The following ZNRF3 variants were observed in gnomAD, a reference collection of about 807,000 sequenced individuals.
ZNRF3 encodes E3 ubiquitin-protein ligase ZNRF3.
Under a neutral mutation model 72.5 loss-of-function variants are expected in ZNRF3, and 23 were observed. That is an observed-to-expected ratio of 0.32 (90% CI 0.23 to 0.45). The LOEUF is 0.45. ZNRF3 is among the 20% of genes least tolerant of loss of function. ZNRF3 has a pLI of 1.00. For synonymous variants in ZNRF3, 610 were observed against 545.3 expected, an observed-to-expected ratio of 1.12 and a Z score of -1.65; for missense variants, 1,169 against 1,272.1, an observed-to-expected ratio of 0.92 and a Z score of 1.23.
intron 2 of ZNRF3, chr22:29,026,763 G>A (rs1347043514): frequency 6.6e-6 from 1 of 152,254 alleles, no homozygotes; most frequent in Non-Finnish European, 1.5e-5. Context: ...TGGGTTCCAG[G>A]TGCCATGCCA....
chr22:29,050,862 C>T lies in ZNRF3; in HGVS notation c.2681C>T (p.Pro894Leu), dbSNP rs533046492. 4.7e-5 allele frequency: 75 copies of T among 1,599,362 alleles called. No individual in the cohort carries two copies. In the East Asian group the frequency reaches 1.2e-3, roughly 25 times the overall value. Residue 894 changes from proline to leucine, a missense_variant, in exon 8 of 9, where the codon CCG (proline) becomes CTG (leucine). Pro to Leu is a moderately conservative substitution (Grantham distance 98). Transcript: ENST00000544604. ...ARALLRPGCP[P>L]EEAGAVRANF... ...GCCCTACTGCGGCCTGGCTGCCCTCCGGAGGAGGCGGGTGCTGTCAGGGCC... is the reference window on the plus strand; with the variant it reads ...GCCCTACTGCGGCCTGGCTGCCCTCTGGAGGAGGCGGGTGCTGTCAGGGCC...
chr22:29,032,224 T>C (rs1287243989), intron 2 of ZNRF3, among the ~76,000 whole-genome samples: 1 of 152,218 alleles, frequency 6.6e-6, no homozygotes, highest in Non-Finnish European at 1.5e-5. Context: ...CAGCCTGTTC[T>C]TGTGGACATG....
rs1601537531 is a variant in ZNRF3 at position 28,900,886 on chromosome 22, G to A, written c.300+16820G>A. On this transcript the variant is annotated intron_variant, in intron 1 of 8. Transcript: ENST00000544604. ...TTTAGGAGGCTGAGGTGGGATGATC[G>A]CTTGAGGCCAGGAGTTTAAGACCAG... Among the ~76,000 whole-genome samples the A allele has an allele frequency of 3.9e-5, 6 of 152,154 alleles. No individual in the cohort carries two copies. In the Middle Eastern group the frequency reaches 0.017, roughly 431 times the overall value.
intron 1 of ZNRF3, among the ~76,000 whole-genome samples, chr22:28,889,172 A>T (rs548871054): frequency 6.6e-6 from 1 of 152,244 alleles, no homozygotes; most frequent in East Asian, 1.9e-4. Context: ...TGCCAAGTGA[A>T]CAGAACTTGG....
intron 1 of ZNRF3, among the ~76,000 whole-genome samples, chr22:28,961,422 T>A (rs556365386): frequency 1.3e-5 from 2 of 152,290 alleles, no homozygotes; most frequent in East Asian, 3.9e-4. Flanking sequence ...TGTCAAAATA[T>A]GGACAGTATT....
At chr22:29,003,912 A>C (rs74631105) in intron 2 of ZNRF3, among the ~76,000 whole-genome samples, 209 of 152,358 alleles carry the variant, frequency 1.4e-3, no homozygotes, top group Non-Finnish European at 2.6e-3. Flanking sequence ...GTCTTTGCTT[A>C]GGTTGGGCTT....
At chr22:29,003,822 C>A (rs2036195405) in intron 2 of ZNRF3, among the ~76,000 whole-genome samples, 1 of 151,864 alleles carries the variant, frequency 6.6e-6, no homozygotes, top group African/African-American at 2.4e-5. Context: ...CAGAGCAAGA[C>A]CCTGTCTCAA....
chr22:28,901,009 G>A (rs965701139), intron 1 of ZNRF3, among the ~76,000 whole-genome samples: 1 of 152,074 alleles, frequency 6.6e-6, no homozygotes, highest in Non-Finnish European at 1.5e-5. Context: ...CACTTGGGAG[G>A]CTGAGGTGAT....
At chr22:29,015,668 TAAAAAAA>T (rs56728614) in intron 2 of ZNRF3, among the ~76,000 whole-genome samples, 6 of 139,558 alleles carry the variant, frequency 4.3e-5, no homozygotes, top group African/African-American at 1.3e-4. Context: ...AGATTCTGTT[TAAAAAAA>T]AAAAAAAAAA....
At chr22:28,945,527 T>C (rs988680947) in intron 1 of ZNRF3, among the ~76,000 whole-genome samples, 8 of 122,994 alleles carry the variant, frequency 6.5e-5, no homozygotes, top group African/African-American at 9.9e-5. Context: ...CCCGTCTCTA[T>C]TTTTTTTTTT....
intron 2 of ZNRF3, among the ~76,000 whole-genome samples, chr22:29,040,266 G>A (rs1420096094): frequency 2.0e-5 from 3 of 149,482 alleles, no homozygotes; most frequent in East Asian, 2.0e-4. Flanking sequence ...TACAACCTCC[G>A]CCTCCCAGGC....
At chr22:29,025,999 G>C (rs934019998) in intron 2 of ZNRF3, 2 of 152,256 alleles carry the variant, frequency 1.3e-5, no homozygotes, top group African/African-American at 4.8e-5. Context: ...AGCATTAGCT[G>C]TCGGGCTGAG....
intron 1 of ZNRF3, among the ~76,000 whole-genome samples, chr22:28,889,362 C>T (rs2123742449): frequency 6.6e-6 from 1 of 152,272 alleles, no homozygotes; most frequent in Middle Eastern, 3.4e-3. Flanking sequence ...TGTGTCCCCT[C>T]TATACCCACA....
At chr22:29,044,427 A>G (rs1257479432) in intron 4 of ZNRF3, among the ~76,000 whole-genome samples, 1 of 152,208 alleles carries the variant, frequency 6.6e-6, no homozygotes, top group Admixed American at 6.5e-5. Context: ...AAAACATGAC[A>G]CTCACTCTTT....
intron 1 of ZNRF3, among the ~76,000 whole-genome samples, chr22:28,911,914 C>A (rs898120006): frequency 6.6e-5 from 10 of 152,252 alleles, no homozygotes; most frequent in African/African-American, 2.4e-4. Context: ...GGCCTTACTG[C>A]GGCTTCCCCC....
intron 1 of ZNRF3, among the ~76,000 whole-genome samples, chr22:28,952,447 T>C (rs923118546): frequency 1.3e-5 from 2 of 151,758 alleles, no homozygotes; most frequent in Non-Finnish European, 2.9e-5. Context: ...CCTCCCTTTA[T>C]CAACAAAGAA....
At chr22:28,924,259 T>C (rs921315332) in intron 1 of ZNRF3, among the ~76,000 whole-genome samples, 6 of 152,242 alleles carry the variant, frequency 3.9e-5, no homozygotes, top group African/African-American at 1.2e-4. Context: ...TGCAAGTGAC[T>C]AGAATTTTCA....
chr22:28,996,359 T>C (rs534487544), intron 2 of ZNRF3, among the ~76,000 whole-genome samples: 1 of 152,368 alleles, frequency 6.6e-6, no homozygotes, highest in East Asian at 1.9e-4. Flanking sequence ...TGACAACTAA[T>C]GGAATGTGTG....
At chr22:29,042,441 T>C in intron 2 of ZNRF3, 54 bp from the exon 3 acceptor site, 1 of 1,556,626 alleles carries the variant, frequency 6.4e-7, no homozygotes, top group Non-Finnish European at 8.8e-7. Flanking sequence ...AAGGCCAACT[T>C]TGAAAAGGTA....
Sources: allele counts gnomAD v4.1 joint callset (sites outside exome capture counted in the v4.1 genomes callset), GRCh38; gene constraint gnomAD v4.1.1; transcripts MANE v1.5; gene names NCBI Gene and HGNC (gene_info 2026-07-23, HGNC 2026-07-21).